The following CAMK1D variants were observed in gnomAD, a reference collection of about 807,000 sequenced individuals.
CAMK1D encodes the protein calcium/calmodulin dependent protein kinase ID, also known as calcium/calmodulin-dependent protein kinase type 1D.
CAMK1D carries 9 observed loss-of-function variants against 47.7 expected under a neutral mutation model. The observed-to-expected ratio is 0.19, with a 90% confidence interval of 0.11 to 0.33. The LOEUF is 0.33. Among genes scored for constraint, CAMK1D ranks in the 10% least tolerant of loss-of-function variants. The probability of loss-of-function intolerance (pLI) is 1.00; values close to 1 mark genes in which losing one functional copy is unlikely to be tolerated. For synonymous variants in CAMK1D, 184 were observed against 184.9 expected (o/e 0.99, Z 0.04); for missense variants, 291 against 488.7 (o/e 0.60, Z 3.81).
chr10:12,564,060 AGTCT>A (rs145084739), intron 2 of CAMK1D, among the ~76,000 whole-genome samples: 9,332 of 150,798 alleles, frequency 0.062, 301 homozygotes, highest in Middle Eastern at 0.11. Context: ...TTTGAAGAGC[AGTCT>A]GTCTGTCTAT....
intron 3 of CAMK1D, among the ~76,000 whole-genome samples, chr10:12,695,811 A>G (rs60337479): frequency 0.019 from 2,881 of 152,060 alleles, 63 homozygotes; most frequent in South Asian, 0.12. Context: ...GGGCATGGGG[A>G]CTCACGCCTG....
At chr10:12,573,728 A>G (rs1304618810) in intron 2 of CAMK1D, among the ~76,000 whole-genome samples, 5 of 149,716 alleles carry the variant, frequency 3.3e-5, no homozygotes, top group African/African-American at 1.2e-4. Flanking sequence ...ATCTGGACTC[A>G]CTGCAGCCTT....
At chr10:12,357,063 TTCTCCTCCTC>T (rs1336488870) in intron 1 of CAMK1D, among the ~76,000 whole-genome samples, 2 of 152,204 alleles carry the variant, frequency 1.3e-5, no homozygotes, top group Admixed American at 1.3e-4. Flanking sequence ...CTCCTCCTGC[TTCTCCTCCTC>T]TCTCCTCTGG....
At chr10:12,587,358 G>A (rs1052826072) in intron 2 of CAMK1D, among the ~76,000 whole-genome samples, 1 of 152,104 alleles carries the variant, frequency 6.6e-6, no homozygotes, top group Non-Finnish European at 1.5e-5. Context: ...AATTCAGGGA[G>A]ACTTGGAGCT....
chr10:12,649,851 C>T (rs1179019522), intron 2 of CAMK1D, among the ~76,000 whole-genome samples: 1 of 152,174 alleles, frequency 6.6e-6, no homozygotes, highest in Non-Finnish European at 1.5e-5. Context: ...TGTATATCAA[C>T]TTTTCACTTG....
intron 1 of CAMK1D, among the ~76,000 whole-genome samples, chr10:12,457,642 G>A (rs989216290): frequency 4.0e-5 from 6 of 151,784 alleles, no homozygotes; most frequent in African/African-American, 1.5e-4. Context: ...TTAGCTGGGT[G>A]TAGTGGCGCG....
intron 1 of CAMK1D, among the ~76,000 whole-genome samples, chr10:12,370,799 G>T (rs1837980641): frequency 6.6e-6 from 1 of 152,048 alleles, no homozygotes; most frequent in Non-Finnish European, 1.5e-5. Flanking sequence ...GTAGAGACGG[G>T]GTTTCACCGT....
intron 1 of CAMK1D, among the ~76,000 whole-genome samples, chr10:12,408,801 G>A (rs989344875): frequency 1.3e-5 from 2 of 151,616 alleles, no homozygotes; most frequent in Admixed American, 6.6e-5. Context: ...GGTGATATAG[G>A]CGTCTTTTTC....
At chr10:12,499,116 T>C (rs1004245308) in intron 1 of CAMK1D, among the ~76,000 whole-genome samples, 4 of 146,454 alleles carry the variant, frequency 2.7e-5, no homozygotes, top group African/African-American at 1.0e-4. Context: ...TGCTTTAAAA[T>C]CATATATGCT....
intron 2 of CAMK1D, among the ~76,000 whole-genome samples, chr10:12,630,800 A>G (rs1839358710): frequency 6.6e-6 from 1 of 151,848 alleles, no homozygotes; most frequent in Non-Finnish European, 1.5e-5. Flanking sequence ...TTGAGTTCCT[A>G]TTGGACCTGC....
chr10:12,463,813 A>G (rs1373044961), intron 1 of CAMK1D, among the ~76,000 whole-genome samples: 8 of 152,084 alleles, frequency 5.3e-5, no homozygotes, highest in Non-Finnish European at 1.0e-4. Context: ...GTGGAGGTAA[A>G]TGAATCATGG....
intron 1 of CAMK1D, among the ~76,000 whole-genome samples, chr10:12,493,498 CT>C (rs970741814): frequency 6.6e-6 from 1 of 151,918 alleles, no homozygotes; most frequent in Non-Finnish European, 1.5e-5. Context: ...TCTTTTTCTT[CT>C]TTTTTTTAAT....
At chr10:12,672,249 A>G (rs1840646812) in intron 3 of CAMK1D, among the ~76,000 whole-genome samples, 1 of 151,902 alleles carries the variant, frequency 6.6e-6, no homozygotes, top group Non-Finnish European at 1.5e-5. Flanking sequence ...CCTTTTGAAT[A>G]AGGAAAGTTT....
In CAMK1D at chr10:12,739,423, A is replaced by C. The variant is rs567740918; in HGVS notation, c.300-21525A>C. Among the ~76,000 whole-genome samples, 1,403 of 148,844 alleles carry C rather than the reference A, an allele frequency of 9.4e-3. 22 individuals carry two copies. Among genetic ancestry groups the C allele is most frequent in the African/African-American group, 0.032 (1,311 of 40,354 alleles). On this transcript the variant is annotated intron_variant, in intron 3 of 10. Coordinates refer to ENST00000619168, the MANE Select transcript of CAMK1D (RefSeq NM_153498.4). ...CCGGAGTAGCTGGGATTACAGGTGC[A>C]TGCCACCACACCCGGCTAATTTTTT...
chr10:12,817,414 A>G (rs1348055675), intron 8 of CAMK1D, among the ~76,000 whole-genome samples: 1 of 152,170 alleles, frequency 6.6e-6, no homozygotes, highest in Non-Finnish European at 1.5e-5. Flanking sequence ...GAGAGGGACT[A>G]ATTGAGAGTT....
chr10:12,560,694 T>C (rs11593572), intron 2 of CAMK1D, among the ~76,000 whole-genome samples: 5 of 151,524 alleles, frequency 3.3e-5, no homozygotes, highest in Non-Finnish European at 7.4e-5. Flanking sequence ...CCAATACAGC[T>C]TTTTAAGGAT....
At chr10:12,685,823 G>C (rs973519027) in intron 3 of CAMK1D, among the ~76,000 whole-genome samples, 2 of 152,212 alleles carry the variant, frequency 1.3e-5, no homozygotes, top group African/African-American at 4.8e-5. Context: ...CAGAACAGAT[G>C]AGTGGGCAGT....
chr10:12,379,740 G>A (rs901859105), intron 1 of CAMK1D, among the ~76,000 whole-genome samples: 2 of 152,038 alleles, frequency 1.3e-5, no homozygotes, highest in African/African-American at 2.4e-5. Context: ...GCGGCAAAGC[G>A]AAACCTTGTC....
At chr10:12,748,852 CTTGAACTCACTGCAGTG>C (rs1205250855) in intron 3 of CAMK1D, among the ~76,000 whole-genome samples, 1 of 152,176 alleles carries the variant, frequency 6.6e-6, no homozygotes, top group Non-Finnish European at 1.5e-5. Flanking sequence ...CTGCAGTGAG[CTTGAACTCACTGCAGTG>C]ATCGTAGCAG....
Sources: gnomAD v4.1 joint callset for allele counts (sites outside exome capture counted in the v4.1 genomes callset) on GRCh38, gnomAD v4.1.1 for gene constraint, MANE v1.5 for transcripts, NCBI Gene and HGNC (gene_info 2026-07-23, HGNC 2026-07-21) for gene names.